The following OXNAD1 variants were observed in gnomAD, a reference collection of about 807,000 sequenced individuals.
OXNAD1 encodes oxidoreductase NAD-binding domain-containing protein 1.
Under a neutral mutation model 32.9 loss-of-function variants are expected in OXNAD1, and 34 were observed. That is an observed-to-expected ratio of 1.03 (90% CI 0.79 to 1.38). OXNAD1 has a LOEUF of 1.38. OXNAD1 is among the 40% of genes most tolerant of loss of function. The pLI is 0.00. For missense variants in OXNAD1, 407 were observed against 379.4 expected (o/e 1.07, Z -0.60); for synonymous variants, 134 against 135.2 (o/e 0.99, Z 0.06).
rs183354653 is a variant in OXNAD1, at chr3:16,320,685, C to T, written c.*31-16427C>T. On this transcript the variant is annotated intron_variant, in intron 9 of 9. Coordinates refer to the OXNAD1 transcript ENST00000435829. The surrounding 1 kb of genome is among the most constrained non-coding windows in gnomAD (Gnocchi z 4.5). ...AGCACTGTTCTGAGAAAAGGATGCT[C>T]GAGTAGAGCTAGAAAGGAGGAGAAT... is the stretch of plus-strand genomic sequence containing the variant. Among the ~76,000 whole-genome samples the T allele has an allele frequency of 9.2e-5, 14 of 152,200 alleles. No individual in the cohort carries two copies. The East Asian group carries it at 1.5e-3, about 17-fold the overall frequency.
Position 16,335,609 on chromosome 3 carries a change from A to C in OXNAD1, c.*31-1503A>C, listed in dbSNP as rs1295852324. On this transcript the variant is annotated intron_variant, in intron 9 of 9. Coordinates refer to the OXNAD1 transcript ENST00000435829. The surrounding 1 kb of genome is among the most constrained non-coding windows in gnomAD (Gnocchi z 4.7). ...ATGGACACATGGTGGGGAGCAACAC[A>C]CACTGGGACCTGTTGGAGGTGTGGG... Among the ~76,000 whole-genome samples, 2 of 152,140 alleles carry C rather than the reference A, an allele frequency of 1.3e-5. No individual in the cohort carries two copies. The highest frequency in any genetic ancestry group is 2.9e-5 in the Non-Finnish European group (2 of 68,020).
chr3:16,311,344 T>C (rs1283382831), intron 9 of OXNAD1, among the ~76,000 whole-genome samples: 1 of 152,044 alleles, frequency 6.6e-6, no homozygotes, highest in African/African-American at 2.4e-5. Flanking sequence ...TACAGGCACA[T>C]GCCACCACGC....
Position 16,271,079 on chromosome 3 carries a change from A to C in OXNAD1, c.119+8A>C. 6.2e-7 allele frequency: 1 copy of C among 1,613,308 alleles called. No individual in the cohort carries two copies. Among genetic ancestry groups the C allele is most frequent in the South Asian group, 1.1e-5 (1 of 90,900 alleles). ...CCACCTTACTCTAACCAGGTGAGTCATTAAGACTTCTGTGTCATTTGAAGT... is the reference window on the plus strand; with the variant it reads ...CCACCTTACTCTAACCAGGTGAGTCCTTAAGACTTCTGTGTCATTTGAAGT... On this transcript the variant is annotated splice_region_variant and intron_variant, in intron 3 of 8. Coordinates refer to ENST00000285083, the MANE Select transcript of OXNAD1 (RefSeq NM_138381.5). This position sits in a 1 kb window ranked among gnomAD's most constrained non-coding sequence, Gnocchi z 4.6.
At position 16,345,804 on chromosome 3, in the gene OXNAD1, G is replaced by A. The variant is rs1404430953; in HGVS notation, c.*31-3372G>A. Among the ~76,000 whole-genome samples the A allele has an allele frequency of 1.2e-5, 1 of 85,164 alleles. No homozygotes were observed. Among genetic ancestry groups the A allele is most frequent in the Non-Finnish European group, 2.3e-5 (1 of 44,328 alleles). The allele number at this position is 85,164 out of a possible 152,430, so 55.9% of individuals were successfully genotyped here. A position where few individuals can be genotyped will look rare whatever the true frequency, so the allele number is the denominator to read the frequency against. ...AATAAATCTCTGTGTGTGTGTGTGT[G>A]TGTGTGTGTGTGTGCGCGCGCGCGT... is the stretch of plus-strand genomic sequence containing the variant. On this transcript the variant is annotated intron_variant, in intron 9 of 9. Transcript: ENST00000606098. This position sits in a 1 kb window ranked among gnomAD's most constrained non-coding sequence, Gnocchi z 5.2.
chr3:16,266,392 T>C (rs964872602), intron 1 of OXNAD1, among the ~76,000 whole-genome samples: 8 of 151,832 alleles, frequency 5.3e-5, no homozygotes, highest in African/African-American at 1.9e-4. Flanking sequence ...GATCACGAGG[T>C]CAGGAATACG....
rs1423324091 is a variant in OXNAD1 at position 16,312,064 on chromosome 3, G to T, written c.*30+8472G>T. On this transcript the variant is annotated intron_variant, in intron 9 of 9. Coordinates refer to the OXNAD1 transcript ENST00000435829. This position sits in a 1 kb window ranked among gnomAD's most constrained non-coding sequence, Gnocchi z 4.7. Reference sequence around the variant, plus strand: ...GGGCTGGGGAAGCAAGCACCAGCCAGGTTCAGAGAGCCATTCATCTGCAGC... The same window carrying T: ...GGGCTGGGGAAGCAAGCACCAGCCATGTTCAGAGAGCCATTCATCTGCAGC... Among the ~76,000 whole-genome samples, 2 of 152,222 alleles carry T rather than the reference G, an allele frequency of 1.3e-5. No homozygotes were observed. Among genetic ancestry groups the T allele is most frequent in the African/African-American group, 4.8e-5 (2 of 41,456 alleles).
chr3:16,327,779 G>A lies in OXNAD1; in HGVS notation c.*31-9333G>A, dbSNP rs578042682. On this transcript the variant is annotated intron_variant, in intron 9 of 9. Transcript: ENST00000435829. This position sits in a 1 kb window ranked among gnomAD's most constrained non-coding sequence, Gnocchi z 4.2. ...CCCATCTCAAAAAAAAAAACAAAAC[G>A]AAAAAAACTTCAGCCCCCTGCTAGC... Among the ~76,000 whole-genome samples, 11 of 151,302 alleles carry A rather than the reference G, an allele frequency of 7.3e-5. No individual in the cohort carries two copies. Among genetic ancestry groups the A allele is most frequent in the African/African-American group, 2.7e-4 (11 of 41,232 alleles).
chr3:16,294,359 C>T (rs549753833), intron 5 of OXNAD1, among the ~76,000 whole-genome samples: 14 of 152,198 alleles, frequency 9.2e-5, no homozygotes, highest in East Asian at 5.8e-4. Flanking sequence ...TGCGTCCCTA[C>T]GCCTGGCTAA....
chr3:16,267,234 A>G (rs2064587281), intron 1 of OXNAD1, among the ~76,000 whole-genome samples: 1 of 152,176 alleles, frequency 6.6e-6, no homozygotes, highest in Non-Finnish European at 1.5e-5. Flanking sequence ...TTACCTTATT[A>G]TAATCTTAGA....
chr3:16,271,719 G>A lies in OXNAD1; in HGVS notation c.180G>A (p.Arg60=), dbSNP rs1229631157. The change falls in exon 4 of 9, where the codon CGG becomes CGA. Residue 60 remains arginine, a synonymous_variant. Coordinates refer to ENST00000285083, the MANE Select transcript of OXNAD1 (RefSeq NM_138381.5). This position sits in a 1 kb window ranked among gnomAD's most constrained non-coding sequence, Gnocchi z 4.6. Reference sequence around the variant, plus strand: ...AGAGAACTGCAAGTGTCCTTCGACGGGAGGTTTGTATCTTTGGGGTATGAC... The same window carrying A: ...AGAGAACTGCAAGTGTCCTTCGACGAGAGGTTTGTATCTTTGGGGTATGAC... The part of the protein sequence containing the change: ...HMERTASVLR[R]EIVSAAKVCG... 11 of 1,607,188 alleles carry A rather than the reference G, an allele frequency of 6.8e-6. No individual in the cohort carries two copies. The highest frequency in any genetic ancestry group is 9.3e-6 in the Non-Finnish European group (11 of 1,178,230).
Position 16,327,780 on chromosome 3 carries a change from A to G in OXNAD1, c.*31-9332A>G, listed in dbSNP as rs1228739167. Among the ~76,000 whole-genome samples, 2 of 151,392 alleles carry G rather than the reference A, an allele frequency of 1.3e-5. No homozygotes were observed. The highest frequency in any genetic ancestry group is 1.3e-4 in the Admixed American group (2 of 15,232). On this transcript the variant is annotated intron_variant, in intron 9 of 9. Transcript: ENST00000435829. This position sits in a 1 kb window ranked among gnomAD's most constrained non-coding sequence, Gnocchi z 4.2. ...CCATCTCAAAAAAAAAAACAAAACG[A>G]AAAAAACTTCAGCCCCCTGCTAGCA...
chr3:16,301,631 A>C lies in OXNAD1; in HGVS notation c.438A>C (p.Thr146=). ...TCTTTTCTTTCCTGCCTTAGTGTACACTTGACTGTGAAGTGGCTGTGAGAG... is the reference window on the plus strand; with the variant it reads ...TCTTTTCTTTCCTGCCTTAGTGTACCCTTGACTGTGAAGTGGCTGTGAGAG... ...PPALWVHNTC[T]LDCEVAVRVG... The change falls in exon 7 of 9, where the codon ACA becomes ACC. Residue 146 remains threonine (T), a synonymous_variant. Coordinates refer to ENST00000285083, the MANE Select transcript of OXNAD1 (RefSeq NM_138381.5). This position sits in a 1 kb window ranked among gnomAD's most constrained non-coding sequence, Gnocchi z 4.1. 1 of 1,613,948 alleles carries C rather than the reference A, an allele frequency of 6.2e-7. No homozygotes were observed. Among genetic ancestry groups the C allele is most frequent in the Non-Finnish European group, 8.5e-7 (1 of 1,179,920 alleles).
Position 16,301,979 on chromosome 3 carries a change from G to A in OXNAD1, c.675+111G>A, listed in dbSNP as rs144014757. The A allele has an allele frequency of 4.4e-4, 608 of 1,378,982 alleles. 4 individuals are homozygous for A. The African/African-American group carries it at 7.8e-3, about 18-fold the overall frequency. 85.4% of individuals were successfully genotyped at this position (1,378,982 alleles called of 1,614,324 possible). A position where few individuals can be genotyped will look rare whatever the true frequency, so the allele number is the denominator to read the frequency against. On this transcript the variant is annotated intron_variant, in intron 7 of 8. Coordinates refer to ENST00000285083, the MANE Select transcript of OXNAD1 (RefSeq NM_138381.5). The surrounding 1 kb of genome is among the most constrained non-coding windows in gnomAD (Gnocchi z 4.1). Reference sequence around the variant, plus strand: ...CTGCAAAGGTTCAAACAAAAGGCTTGGCAAGATTTAATCATGCTTAAATGA... The same window carrying A: ...CTGCAAAGGTTCAAACAAAAGGCTTAGCAAGATTTAATCATGCTTAAATGA...
At chr3:16,328,592 T>G (rs1200557302) in intron 9 of OXNAD1, among the ~76,000 whole-genome samples, 3 of 152,232 alleles carry the variant, frequency 2.0e-5, no homozygotes, top group Middle Eastern at 3.2e-3. Flanking sequence ...AAATGGGTAC[T>G]GGTCTATGTC....
chr3:16,323,942 A>G (rs2069375709), intron 9 of OXNAD1, among the ~76,000 whole-genome samples: 1 of 152,230 alleles, frequency 6.6e-6, no homozygotes, highest in Middle Eastern at 3.2e-3. Context: ...AAGACTGCAC[A>G]GCACCAGGCG....
chr3:16,339,790 C>T (rs1184149252), downstream of OXNAD1: 2 of 152,222 alleles, frequency 1.3e-5, no homozygotes, highest in African/African-American at 2.4e-5. Context: ...TTATCTTGTT[C>T]TTGATGAATC....
chr3:16,300,944 A>C (rs2067138520), intron 6 of OXNAD1, among the ~76,000 whole-genome samples: 1 of 152,224 alleles, frequency 6.6e-6, no homozygotes, highest in Non-Finnish European at 1.5e-5. Context: ...CCCCACTGAG[A>C]AAAACAGTAC....
In OXNAD1 at chr3:16,329,493, C is replaced by G. The variant is rs143064886; in HGVS notation, c.*31-7619C>G. On this transcript the variant is annotated intron_variant, in intron 9 of 9. Coordinates refer to the OXNAD1 transcript ENST00000435829. The surrounding 1 kb of genome is among the most constrained non-coding windows in gnomAD (Gnocchi z 4.5). Reference sequence around the variant, plus strand: ...TCCCTTCCCTGAAGCCTCTATCAGGCCAGAGATGGCCCAGCAGTTGTGACC... The same window carrying G: ...TCCCTTCCCTGAAGCCTCTATCAGGGCAGAGATGGCCCAGCAGTTGTGACC... Among the ~76,000 whole-genome samples the G allele has an allele frequency of 1.1e-3, 164 of 152,286 alleles. 2 individuals are homozygous for G. The East Asian group carries it at 0.015, about 14-fold the overall frequency.
rs982321671 is a variant in OXNAD1 at position 16,345,527 on chromosome 3, T to C, written c.*31-3649T>C. On this transcript the variant is annotated intron_variant, in intron 9 of 9. Transcript: ENST00000606098. The surrounding 1 kb of genome is among the most constrained non-coding windows in gnomAD (Gnocchi z 5.2). Reference sequence around the variant, plus strand: ...AGTGTGGGTGGACACCATCCAGTCATTGAGGACCTGAACAGAACAAAGGGT... The same window carrying C: ...AGTGTGGGTGGACACCATCCAGTCACTGAGGACCTGAACAGAACAAAGGGT... Among the ~76,000 whole-genome samples the C allele has an allele frequency of 1.1e-4, 16 of 152,210 alleles. 2 individuals are homozygous for C. Among genetic ancestry groups the C allele is most frequent in the East Asian group, 3.9e-4 (2 of 5,178 alleles).
Sources: gnomAD v4.1 joint callset for allele counts (sites outside exome capture counted in the v4.1 genomes callset) on GRCh38, gnomAD v4.1.1 for gene constraint, Gnocchi (gnomAD v3.1) non-coding constraint, MANE v1.5 for transcripts, NCBI Gene and HGNC (gene_info 2026-07-23, HGNC 2026-07-21) for gene names.